Variants in SDK1 observed in about 807,000 individuals in gnomAD.
The protein encoded by SDK1 is protein sidekick-1.
SDK1 carries 157 observed loss-of-function variants against 245.5 expected under a neutral mutation model. The observed-to-expected ratio is 0.64, with a 90% CI of 0.56 to 0.73. The LOEUF is 0.73. Among genes scored for constraint, SDK1 ranks in the 30% least tolerant of loss-of-function variants. SDK1 has a pLI of 0.00. For synonymous variants in SDK1, 1,647 were observed against 1,278.5 expected, an observed-to-expected ratio of 1.29 and a Z score of -6.15; for missense variants, 3,583 against 3,002.3, an observed-to-expected ratio of 1.19 and a Z score of -4.52.
At chr7:3,367,420 A>T (rs755842627) in intron 1 of SDK1, among the ~76,000 whole-genome samples, 1 of 152,186 alleles carries the variant, frequency 6.6e-6, no homozygotes, top group Non-Finnish European at 1.5e-5. Context: ...TTTCAAGCCA[A>T]CTGTCACAGG....
intron 4 of SDK1, among the ~76,000 whole-genome samples, chr7:3,815,574 T>C (rs1215582934): frequency 2.0e-5 from 3 of 148,868 alleles, no homozygotes; most frequent in Non-Finnish European, 4.5e-5. Flanking sequence ...TCTAAAATTC[T>C]CTTTTTTGGT....
In SDK1 at chr7:3,506,766, G is replaced by A. The variant is rs956649341; in HGVS notation, c.299-112314G>A. On this transcript the variant is annotated intron_variant, in intron 1 of 44. Transcript: ENST00000404826. The stretch of plus-strand genomic sequence containing the variant: ...ATATCCAGGGAGTATTCCAGTTCAG[G>A]TGTTGTATTTTTCAACTCCAGATGT... Among the ~76,000 whole-genome samples the A allele has an allele frequency of 1.4e-4, 21 of 150,154 alleles. 1 individual carries two copies. The highest frequency in any genetic ancestry group is 2.9e-4 in the African/African-American group (12 of 41,058).
At chr7:3,355,250 T>G (rs533676100) in intron 1 of SDK1, among the ~76,000 whole-genome samples, 4 of 152,320 alleles carry the variant, frequency 2.6e-5, no homozygotes, top group African/African-American at 9.6e-5. Context: ...TCACGTAGAT[T>G]ATGGAGTTAC....
chr7:3,972,522 C>A (rs533681875), intron 12 of SDK1, among the ~76,000 whole-genome samples: 78 of 152,236 alleles, frequency 5.1e-4, no homozygotes, highest in African/African-American at 1.9e-3. Context: ...AGAGCAGCCA[C>A]CTTCAGGATA....
chr7:3,479,265 C>G (rs1282519806), intron 1 of SDK1, among the ~76,000 whole-genome samples: 1 of 151,302 alleles, frequency 6.6e-6, no homozygotes, highest in East Asian at 2.0e-4. Flanking sequence ...CTACCAAAAA[C>G]ATAAAAATTA....
intron 5 of SDK1, among the ~76,000 whole-genome samples, chr7:3,932,793 C>A (rs1780023623): frequency 6.6e-6 from 1 of 152,166 alleles, no homozygotes; most frequent in African/African-American, 2.4e-5. Flanking sequence ...CCCACCCATT[C>A]CCAGAGATAG....
In SDK1 at chr7:4,156,005, T is replaced by G. The variant is rs185910164; in HGVS notation, c.4626-2443T>G. On this transcript the variant is annotated intron_variant, in intron 30 of 44. Transcript: ENST00000404826. ...TAGGAACAGCTGATCCTTAGTGAGC[T>G]TGCCCCACACCACACACCTGACTCT... is the stretch of plus-strand genomic sequence containing the variant. Among the ~76,000 whole-genome samples the G allele has an allele frequency of 7.2e-5, 11 of 152,314 alleles. 1 individual carries two copies. The East Asian group carries it at 1.2e-3, about 16-fold the overall frequency.
chr7:3,605,723 G>A (rs980549795), intron 1 of SDK1, among the ~76,000 whole-genome samples: 2 of 152,058 alleles, frequency 1.3e-5, no homozygotes, highest in African/African-American at 4.8e-5. Context: ...GAATTAAAAT[G>A]TTTCAGAGTA....
chr7:3,571,951 C>G (rs932271256), intron 1 of SDK1, among the ~76,000 whole-genome samples: 1 of 152,196 alleles, frequency 6.6e-6, no homozygotes, highest in East Asian at 1.9e-4. Flanking sequence ...CTTCTCTTAC[C>G]TAAGTTACTT....
At chr7:3,847,306 G>A (rs1455008806) in intron 5 of SDK1, among the ~76,000 whole-genome samples, 2 of 152,062 alleles carry the variant, frequency 1.3e-5, no homozygotes, top group African/African-American at 2.4e-5. Flanking sequence ...CTATCGACTT[G>A]GTCGCCATAA....
chr7:3,526,446 A>G (rs1345443615), intron 1 of SDK1, among the ~76,000 whole-genome samples: 1 of 152,148 alleles, frequency 6.6e-6, no homozygotes, highest in African/African-American at 2.4e-5. Flanking sequence ...TTTAGATTGG[A>G]ATTGTGTCAG....
intron 4 of SDK1, among the ~76,000 whole-genome samples, chr7:3,669,512 T>C (rs1783631112): frequency 7.7e-6 from 1 of 129,474 alleles, no homozygotes; most frequent in Admixed American, 7.7e-5. Flanking sequence ...CACTCTCTTC[T>C]TTTGAATTCA....
chr7:3,535,112 TA>T (rs1778839908), intron 1 of SDK1, among the ~76,000 whole-genome samples: 1 of 151,714 alleles, frequency 6.6e-6, no homozygotes, highest in Non-Finnish European at 1.5e-5. Flanking sequence ...CGTCTCTACT[TA>T]AAAATACAAA....
intron 44 of SDK1, among the ~76,000 whole-genome samples, chr7:4,253,646 C>G (rs955023398): frequency 5.3e-5 from 8 of 152,136 alleles, no homozygotes; most frequent in African/African-American, 1.9e-4. Flanking sequence ...GTCTGTAGGT[C>G]TAGCTGATTT....
chr7:3,885,358 G>A (rs1258059256), intron 5 of SDK1, among the ~76,000 whole-genome samples: 1 of 152,152 alleles, frequency 6.6e-6, no homozygotes, highest in Non-Finnish European at 1.5e-5. Flanking sequence ...TGGGCTGTGG[G>A]GGCTGAAGCC....
intron 5 of SDK1, among the ~76,000 whole-genome samples, chr7:3,838,488 C>G (rs968039874): frequency 2.0e-5 from 3 of 152,210 alleles, no homozygotes; most frequent in Admixed American, 2.0e-4. Context: ...AAGGGGAGCA[C>G]AAGGCTGGAG....
chr7:4,054,720 C>T (rs1027201818), intron 19 of SDK1, among the ~76,000 whole-genome samples: 2 of 152,172 alleles, frequency 1.3e-5, no homozygotes, highest in African/African-American at 2.4e-5. Context: ...AGAGGCAAAA[C>T]ATTCAGTCGT....
At chr7:3,527,511 G>A (rs945671468) in intron 1 of SDK1, among the ~76,000 whole-genome samples, 2 of 152,202 alleles carry the variant, frequency 1.3e-5, no homozygotes, top group African/African-American at 2.4e-5. Flanking sequence ...CTCAGGGCCA[G>A]CAAGAAGGTC....
intron 4 of SDK1, among the ~76,000 whole-genome samples, chr7:3,805,893 G>C (rs112878311): frequency 8.1e-4 from 124 of 152,212 alleles, no homozygotes; most frequent in African/African-American, 2.9e-3. Context: ...CTCCTTCCAA[G>C]TCACCTCCTT....
Sources: allele counts gnomAD v4.1 joint callset (sites outside exome capture counted in the v4.1 genomes callset), GRCh38; gene constraint gnomAD v4.1.1; transcripts MANE v1.5; gene names NCBI Gene and HGNC (gene_info 2026-07-23, HGNC 2026-07-21).